Variants in PCDH9 observed in about 807,000 individuals in gnomAD.
PCDH9 encodes the protein protocadherin 9, also known as protocadherin-9.
PCDH9 carries 24 observed loss-of-function variants against 70.6 expected under a neutral mutation model. The ratio of observed to expected loss-of-function variants is 0.34; its 90% CI spans 0.25 to 0.48. PCDH9 has a LOEUF of 0.48. Ranked by LOEUF, PCDH9 falls within the 20% of genes least tolerant of loss-of-function variation. PCDH9 has a pLI of 0.99. For synonymous variants in PCDH9, 562 were observed against 558.5 expected (o/e 1.01, Z -0.09); for missense variants, 1,281 against 1,503.6 (o/e 0.85, Z 2.45).
chr13:66,490,219 A>G (rs1003103722), intron 4 of PCDH9, among the ~76,000 whole-genome samples: 4 of 152,210 alleles, frequency 2.6e-5, no homozygotes, highest in Non-Finnish European at 4.4e-5. Context: ...AGAGATAGAA[A>G]TATCTGTCCT....
intron 4 of PCDH9, among the ~76,000 whole-genome samples, chr13:66,429,936 C>A (rs1957741415): frequency 6.6e-6 from 1 of 152,088 alleles, no homozygotes; most frequent in Non-Finnish European, 1.5e-5. Flanking sequence ...ATCGATCTTC[C>A]TCTTTACCCA....
chr13:67,028,082 T>G (rs200735894), intron 2 of PCDH9, among the ~76,000 whole-genome samples: 1,765 of 149,862 alleles, frequency 0.012, 29 homozygotes, highest in East Asian at 0.044. Context: ...TATACCCAAA[T>G]GACTATAAAT....
At position 67,113,650 on chromosome 13, in the gene PCDH9, C is replaced by T. The variant is rs1347172367; in HGVS notation, c.3036+111755G>A. ...GCAAGCTCCGCCTCCCGGGTTCCCG[C>T]CACTCTCCTGCCTCAGCCTCCCGAG... On this transcript the variant is annotated intron_variant, in intron 2 of 4. Coordinates refer to ENST00000377865, the MANE Select transcript of PCDH9 (RefSeq NM_203487.3). 2.0e-5 allele frequency among the ~76,000 whole-genome samples: 3 copies of T among 152,060 alleles called. No individual in the cohort carries two copies. In the South Asian group the frequency reaches 6.2e-4, roughly 32 times the overall value.
At chr13:67,004,414 T>A (rs1224948477) in intron 2 of PCDH9, among the ~76,000 whole-genome samples, 1 of 151,538 alleles carries the variant, frequency 6.6e-6, no homozygotes, top group Non-Finnish European at 1.5e-5. Flanking sequence ...CCACTAAAAA[T>A]CCAAAAATTA....
chr13:66,939,301 A>T (rs1389703872), intron 2 of PCDH9, among the ~76,000 whole-genome samples: 3 of 152,176 alleles, frequency 2.0e-5, no homozygotes, highest in Admixed American at 2.0e-4. Flanking sequence ...ACCATGAAAG[A>T]TTAGTTTTCT....
intron 4 of PCDH9, among the ~76,000 whole-genome samples, chr13:66,480,963 T>C (rs1594046000): frequency 1.3e-5 from 2 of 152,200 alleles, no homozygotes. Context: ...ATATACACCA[T>C]GGAATACTGT....
chr13:67,176,596 A>C (rs1458624261), intron 2 of PCDH9, among the ~76,000 whole-genome samples: 1 of 152,144 alleles, frequency 6.6e-6, no homozygotes, highest in Admixed American at 6.5e-5. Context: ...AGTCCTACAG[A>C]GCTTCACTTT....
intron 2 of PCDH9, among the ~76,000 whole-genome samples, chr13:67,087,612 T>C (rs762976306): frequency 6.6e-6 from 1 of 152,118 alleles, no homozygotes. Context: ...CCAAGCTTTG[T>C]TCCTCTCCAT....
Position 67,215,650 on chromosome 13 carries a change from A to C in PCDH9, c.3036+9755T>G, listed in dbSNP as rs551674591. ...TAATGATATGTCCAAAATTACTGAG[A>C]AAATGGGACCCACAGACATCTCTAA... is the stretch of plus-strand genomic sequence containing the variant. On this transcript the variant is annotated intron_variant, in intron 2 of 4. Transcript: ENST00000377865. The C allele has an allele frequency of 1.1e-4, 16 of 152,276 alleles. No homozygotes were observed. In the South Asian group the frequency reaches 2.9e-3, roughly 28 times the overall value. The allele number at this position is 152,276 out of a possible 1,614,324, so 9.4% of individuals were successfully genotyped here. A position where few individuals can be genotyped will look rare whatever the true frequency, so the allele number is the denominator to read the frequency against.
At chr13:66,669,642 T>C (rs2078144627) in intron 3 of PCDH9, among the ~76,000 whole-genome samples, 1 of 152,058 alleles carries the variant, frequency 6.6e-6, no homozygotes, top group South Asian at 2.1e-4. Flanking sequence ...GATAAGAAAG[T>C]GGAAGTAAAG....
chr13:66,376,533 C>CT (rs1285561167), intron 4 of PCDH9, among the ~76,000 whole-genome samples: 3 of 151,812 alleles, frequency 2.0e-5, no homozygotes, highest in Non-Finnish European at 2.9e-5. Flanking sequence ...AAACAGATGA[C>CT]TTTTTTTCAT....
intron 4 of PCDH9, among the ~76,000 whole-genome samples, chr13:66,608,169 T>G (rs971861674): frequency 2.6e-4 from 38 of 147,956 alleles, no homozygotes; most frequent in African/African-American, 9.0e-4. Flanking sequence ...TGTGTGTGTG[T>G]GTGTGTATAT....
intron 3 of PCDH9, among the ~76,000 whole-genome samples, chr13:66,711,335 T>C (rs2078790122): frequency 6.6e-6 from 1 of 152,014 alleles, no homozygotes; most frequent in South Asian, 2.1e-4. Flanking sequence ...GGTTCCAAGT[T>C]TGTGTACTAA....
intron 3 of PCDH9, among the ~76,000 whole-genome samples, chr13:66,829,865 C>A (rs2139404144): frequency 6.6e-6 from 1 of 151,508 alleles, no homozygotes; most frequent in African/African-American, 2.4e-5. Context: ...CTTCAGAAAT[C>A]CAAAGTTTGG....
intron 4 of PCDH9, among the ~76,000 whole-genome samples, chr13:66,410,871 C>G (rs1315387288): frequency 6.6e-6 from 1 of 152,080 alleles, no homozygotes; most frequent in African/African-American, 2.4e-5. Context: ...ACCAAAAAAT[C>G]TGGAAAACTT....
intron 4 of PCDH9, among the ~76,000 whole-genome samples, chr13:66,482,519 C>T (rs938444457): frequency 6.6e-6 from 1 of 152,142 alleles, no homozygotes; most frequent in African/African-American, 2.4e-5. Flanking sequence ...AAAATAGAAT[C>T]AAATTGTCAT....
rs201319655 is a variant in PCDH9, at chr13:66,495,576, A to AC, written c.3340+135633_3340+135634insG. On this transcript the variant is annotated intron_variant, in intron 4 of 4. Transcript: ENST00000377865. ...TCCATTCAATGTTTACTTGCAAAAT[A>AC]AATACATACATACATACATACATAC... Among the ~76,000 whole-genome samples the AC allele has an allele frequency of 5.3e-3, 800 of 152,044 alleles. 6 individuals are homozygous for AC. The highest frequency in any genetic ancestry group is 0.025 in the East Asian group (130 of 5,186).
At chr13:66,972,287 G>T (rs946814499) in intron 2 of PCDH9, among the ~76,000 whole-genome samples, 2 of 151,844 alleles carry the variant, frequency 1.3e-5, no homozygotes, top group African/African-American at 4.8e-5. Context: ...ATAATTAATT[G>T]TGTTTTTCTA....
At chr13:66,802,993 C>T (rs2080350693) in intron 3 of PCDH9, among the ~76,000 whole-genome samples, 1 of 152,072 alleles carries the variant, frequency 6.6e-6, no homozygotes. Flanking sequence ...GAAGACATTA[C>T]TAATTTAAAA....
Sources: allele counts gnomAD v4.1 joint callset (sites outside exome capture counted in the v4.1 genomes callset), GRCh38; gene constraint gnomAD v4.1.1; transcripts MANE v1.5; gene names NCBI Gene and HGNC (gene_info 2026-07-23, HGNC 2026-07-21).